ASPA: variants seen among roughly 807,000 people sequenced by gnomAD.
ASPA encodes the protein aspartoacylase.
Under a neutral mutation model 29.6 loss-of-function variants are expected in ASPA, and 25 were observed. That is an observed-to-expected ratio of 0.85 (90% confidence interval 0.62 to 1.18). The LOEUF (loss-of-function observed/expected upper bound fraction) is 1.18, where lower values mean the gene tolerates loss of function less well. Among genes scored for constraint, ASPA ranks in the 50% most tolerant of loss-of-function variants. ASPA has a pLI of 0.00. For synonymous variants in ASPA, 131 were observed against 130.3 expected (o/e 1.01, Z -0.04); for missense variants, 333 against 385.7 (o/e 0.86, Z 1.14).
At chr17:3,479,989 G>A (rs1178964794) in intron 1 of ASPA, among the ~76,000 whole-genome samples, 1 of 152,068 alleles carries the variant, frequency 6.6e-6, no homozygotes, top group Non-Finnish European at 1.5e-5. Context: ...TGGCCCTTGT[G>A]CCAGAAAAAA....
In ASPA at chr17:3,481,599, A is replaced by G; in HGVS notation, c.237-4A>G. Reference sequence around the variant, plus strand: ...GTTCATCTTTTTCTTTCTGCTTATAACAGCAAAAAAATGTCAGAAGATTTG... The same window carrying G: ...GTTCATCTTTTTCTTTCTGCTTATAGCAGCAAAAAAATGTCAGAAGATTTG... On this transcript the variant is annotated splice_polypyrimidine_tract_variant and splice_region_variant and intron_variant, in intron 1 of 5. Coordinates refer to ENST00000263080, the MANE Select transcript of ASPA (RefSeq NM_000049.4). 3 of 1,612,694 alleles carry G rather than the reference A, an allele frequency of 1.9e-6. No individual in the cohort carries two copies. Among genetic ancestry groups the G allele is most frequent in the East Asian group, 4.5e-5 (2 of 44,800 alleles).
At chr17:3,489,028 T>C (rs73309201) in intron 3 of ASPA, among the ~76,000 whole-genome samples, 2,072 of 152,314 alleles carry the variant, frequency 0.014, 43 homozygotes, top group African/African-American at 0.047. Context: ...CCAGTCTTTA[T>C]TCACTATGCA....
At chr17:3,491,151 T>C (rs2073817914) in intron 4 of ASPA, among the ~76,000 whole-genome samples, 1 of 152,158 alleles carries the variant, frequency 6.6e-6, no homozygotes, top group East Asian at 1.9e-4. Flanking sequence ...AAGTGACAGG[T>C]CTCAGGAAGA....
rs1244881157 is a variant in ASPA, at chr17:3,490,133, A to G, written c.634+791A>G. Among the ~76,000 whole-genome samples the G allele has an allele frequency of 6.6e-5, 10 of 152,230 alleles. No homozygotes were observed. Among genetic ancestry groups the G allele is most frequent in the African/African-American group, 2.4e-4 (10 of 41,454 alleles). On this transcript the variant is annotated intron_variant, in intron 4 of 5. Transcript: ENST00000263080. This position sits in a 1 kb window ranked among gnomAD's most constrained non-coding sequence, Gnocchi z 4.6. ...GTTAACACATCACAGGGAAAGTCCTAGAAGAAAACACACCAAACTGATAAC... is the reference window on the plus strand; with the variant it reads ...GTTAACACATCACAGGGAAAGTCCTGGAAGAAAACACACCAAACTGATAAC...
chr17:3,487,073 C>CGTGTGTGTGT (rs59690349), intron 3 of ASPA, among the ~76,000 whole-genome samples: 6,239 of 150,856 alleles, frequency 0.041, 202 homozygotes, highest in East Asian at 0.11. Flanking sequence ...TGTGTGTGTG[C>CGTGTGTGTGT]GTGTGTGTGT....
At chr17:3,493,560 CAAAAAAA>C (rs746229421) in intron 4 of ASPA, among the ~76,000 whole-genome samples, 6 of 56,384 alleles carry the variant, frequency 1.1e-4, no homozygotes, top group East Asian at 5.6e-4. Flanking sequence ...GGTTCCATCT[CAAAAAAA>C]AAAAAAAAAA....
chr17:3,489,382 C>A, intron 4 of ASPA, 40 bp downstream of exon 4: 1 of 1,480,722 alleles, frequency 6.8e-7, no homozygotes, highest in African/African-American at 1.4e-5. Flanking sequence ...ACTTAACCAC[C>A]AAACATTTAA....
intron 4 of ASPA, among the ~76,000 whole-genome samples, chr17:3,491,682 A>G (rs568038805): frequency 6.6e-6 from 1 of 152,120 alleles, no homozygotes; most frequent in East Asian, 1.9e-4. Flanking sequence ...AAGGAGGCAG[A>G]GATTGCAGTG....
intron 4 of ASPA, among the ~76,000 whole-genome samples, chr17:3,493,103 T>C (rs2035939): frequency 0.44 from 67,471 of 151,976 alleles, 16,369 homozygotes; most frequent in Non-Finnish European, 0.55. Context: ...GTTCATCCTG[T>C]TTGCTCAGAG....
Position 3,476,247 on chromosome 17 carries a change from C to G in ASPA, c.88C>G (p.Leu30Val), listed in dbSNP as rs2073520755. ...THGNELTGVF[L>V]VKHWLENGAE... is the part of the protein sequence containing the mutation. ...TGGGAATGAGCTAACCGGAGTATTT[C>G]TGGTTAAGCATTGGCTAGAGAATGG... Residue 30 changes from leucine (L) to valine (V), a missense_variant, in exon 1 of 6, where the codon CTG becomes GTG. By Grantham distance (32) the Leu-to-Val change is conservative. Transcript: ENST00000263080. 1.9e-6 allele frequency: 3 copies of G among 1,614,178 alleles called. No individual in the cohort carries two copies. The highest frequency in any genetic ancestry group is 8.5e-7 in the Non-Finnish European group (1 of 1,180,030).
At chr17:3,481,932 G>A in intron 2 of ASPA, 134 bp downstream of exon 2, 1 of 820,536 alleles carries the variant, frequency 1.2e-6, no homozygotes, top group East Asian at 2.7e-5. Flanking sequence ...AGCCAGGCTT[G>A]GTGGTTGGGG....
chr17:3,498,806 A>G, intron 5 of ASPA, 85 bp from the exon 6 acceptor site: 1 of 1,255,410 alleles, frequency 8.0e-7, no homozygotes, highest in South Asian at 1.9e-5. Flanking sequence ...GAATACTGTA[A>G]TTTGTTAGTT....
At chr17:3,486,649 C>A (rs1009203347) in intron 3 of ASPA, among the ~76,000 whole-genome samples, 2 of 152,180 alleles carry the variant, frequency 1.3e-5, no homozygotes, top group African/African-American at 4.8e-5. Flanking sequence ...GCAGACTACA[C>A]TACAATTAAA....
intron 5 of ASPA, among the ~76,000 whole-genome samples, chr17:3,496,378 T>C (rs751250957): frequency 2.6e-5 from 4 of 151,860 alleles, no homozygotes; most frequent in Non-Finnish European, 4.4e-5. Context: ...TAGCAGAGGG[T>C]ATAACAAAGG....
At chr17:3,493,560 CAAA>C (rs746229421) in intron 4 of ASPA, among the ~76,000 whole-genome samples, 1 of 56,382 alleles carries the variant, frequency 1.8e-5, no homozygotes, top group East Asian at 5.6e-4. Flanking sequence ...GGTTCCATCT[CAAA>C]AAAAAAAAAA....
rs2073769603 is a variant in ASPA at position 3,488,664 on chromosome 17, T to C, written c.527-571T>C. Among the ~76,000 whole-genome samples, 1 of 151,790 alleles carries C rather than the reference T, an allele frequency of 6.6e-6. No homozygotes were observed. The highest frequency in any genetic ancestry group is 1.5e-5 in the Non-Finnish European group (1 of 67,956). ...AGAGTGAGACTCTGTCTCGAAAAAA[T>C]AAATAAATAAATAAAACCATTGCAC... On this transcript the variant is annotated intron_variant, in intron 3 of 5. Coordinates refer to ENST00000263080, the MANE Select transcript of ASPA (RefSeq NM_000049.4). This position sits in a 1 kb window ranked among gnomAD's most constrained non-coding sequence, Gnocchi z 6.1.
In ASPA at chr17:3,501,080, C is replaced by T. The variant is rs754102210; in HGVS notation, c.*1992C>T. 1 of 151,982 alleles carries T rather than the reference C, an allele frequency of 6.6e-6. No homozygotes were observed. The highest frequency in any genetic ancestry group is 1.5e-5 in the Non-Finnish European group (1 of 68,024). 9.4% of individuals were successfully genotyped at this position (151,982 alleles called of 1,614,324 possible). Reference sequence around the variant, plus strand: ...CTGCTACCACGACATCCAGCCGAAGCCCATGGATCAAGGCGTCATTGTGAC... The same window carrying T: ...CTGCTACCACGACATCCAGCCGAAGTCCATGGATCAAGGCGTCATTGTGAC... On this transcript the variant is annotated 3_prime_UTR_variant, in exon 6 of 6. Transcript: ENST00000263080.
At position 3,490,490 on chromosome 17, in the gene ASPA, G is replaced by T. The variant is rs768803557; in HGVS notation, c.634+1148G>T. Among the ~76,000 whole-genome samples the T allele has an allele frequency of 2.6e-5, 4 of 152,154 alleles. No homozygotes were observed. Among genetic ancestry groups the T allele is most frequent in the Non-Finnish European group, 4.4e-5 (3 of 68,038 alleles). Reference sequence around the variant, plus strand: ...ATGGGCAATTATAATAACAGAGGGGGTGTGTACTTCGGTGTCTGTGGGGAG... The same window carrying T: ...ATGGGCAATTATAATAACAGAGGGGTTGTGTACTTCGGTGTCTGTGGGGAG... On this transcript the variant is annotated intron_variant, in intron 4 of 5. Transcript: ENST00000263080. The surrounding 1 kb of genome is among the most constrained non-coding windows in gnomAD (Gnocchi z 4.6).
intron 4 of ASPA, among the ~76,000 whole-genome samples, chr17:3,489,814 C>T (rs915530201): frequency 3.9e-5 from 6 of 152,188 alleles, no homozygotes; most frequent in African/African-American, 1.4e-4. Flanking sequence ...CTTACAGCAT[C>T]CACTTCTTAA....
Sources: gnomAD v4.1 joint callset for allele counts (sites outside exome capture counted in the v4.1 genomes callset) on GRCh38, gnomAD v4.1.1 for gene constraint, Gnocchi (gnomAD v3.1) non-coding constraint, MANE v1.5 for transcripts, NCBI Gene and HGNC (gene_info 2026-07-23, HGNC 2026-07-21) for gene names.